The following SLC17A3 variants were observed in gnomAD, a reference collection of about 807,000 sequenced individuals.
SLC17A3 encodes sodium-dependent phosphate transport protein 4.
In SLC17A3, 61 loss-of-function variants were observed where a neutral mutation model predicts 60.3. That is an observed-to-expected ratio of 1.01 (90% confidence interval 0.82 to 1.25). The LOEUF (loss-of-function observed/expected upper bound fraction) is 1.25. SLC17A3 is among the 50% of genes most tolerant of loss of function. The pLI is 0.00. For missense variants in SLC17A3, 624 were observed against 594.9 expected (o/e 1.05, Z -0.51); for synonymous variants, 192 against 208.9 (o/e 0.92, Z 0.70).
At chr6:25,857,279 A>C (rs760320620) in intron 5 of SLC17A3, among the ~76,000 whole-genome samples, 25 of 150,392 alleles carry the variant, frequency 1.7e-4, no homozygotes, top group South Asian at 6.3e-4. Context: ...ATCTTTAACT[A>C]TTATTTTTTA....
chr6:25,862,472 G>GT lies in SLC17A3; in HGVS notation c.92-29dup, dbSNP rs752861068. On this transcript the variant is annotated intron_variant, in intron 2 of 12. Transcript: ENST00000397060. Reference sequence around the variant, plus strand: ...GGAAATATTATGACATCATATTAGTGTTTTTTAAAATTGAGCTAACATTAG... The same window carrying GT: ...GGAAATATTATGACATCATATTAGTGTTTTTTTAAAATTGAGCTAACATTAG... 6.4e-6 allele frequency: 10 copies of GT among 1,557,786 alleles called. No homozygotes were observed. In the East Asian group the frequency reaches 1.8e-4, roughly 28 times the overall value.
chr6:25,849,924 C>G lies in SLC17A3; in HGVS notation c.1152G>C (p.Val384=). The change falls in exon 10 of 13, where the codon GTG becomes GTC. Residue 384 remains valine, a synonymous_variant. Transcript: ENST00000397060. ...LGSLPSSALI[V]SLPYLNSGYI... ...AGCCGGAATTGAGGTAAGGCAGAGA[C>G]ACAATGAGTGCTGAAGAGGGGAGAC... is the stretch of plus-strand genomic sequence containing the variant. 6.2e-7 allele frequency: 1 copy of G among 1,614,020 alleles called. No individual in the cohort carries two copies. Among genetic ancestry groups the G allele is most frequent in the Non-Finnish European group, 8.5e-7 (1 of 1,179,892 alleles).
intron 11 of SLC17A3, among the ~76,000 whole-genome samples, chr6:25,846,991 G>A (rs1765185229): frequency 6.6e-6 from 1 of 152,066 alleles, no homozygotes; most frequent in Admixed American, 6.6e-5. Flanking sequence ...TCATGTAATG[G>A]GAGTTTGTTG....
chr6:25,848,264 G>C lies in SLC17A3; in HGVS notation c.1362+1110C>G, dbSNP rs1052640742. Among the ~76,000 whole-genome samples the C allele has an allele frequency of 1.2e-4, 18 of 152,206 alleles. 1 individual carries two copies. The highest frequency in any genetic ancestry group is 3.2e-3 in the Middle Eastern group (1 of 316). ...CTTCTTTTCTCTGGGTAGAAACCCA[G>C]TAGTGGGATGGCTGGATCAAACAGT... On this transcript the variant is annotated intron_variant, in intron 11 of 12. Coordinates refer to ENST00000397060, the MANE Select transcript of SLC17A3 (RefSeq NM_001098486.2).
At chr6:25,853,668 T>G (rs1287604047) in intron 6 of SLC17A3, among the ~76,000 whole-genome samples, 1 of 152,076 alleles carries the variant, frequency 6.6e-6, no homozygotes, top group African/African-American at 2.4e-5. Flanking sequence ...TCCGCCCACC[T>G]CGGCCTCCCA....
At chr6:25,864,812 T>C (rs1170325624) in intron 2 of SLC17A3, among the ~76,000 whole-genome samples, 2 of 151,902 alleles carry the variant, frequency 1.3e-5, no homozygotes, top group Non-Finnish European at 2.9e-5. Flanking sequence ...AGAAGATACT[T>C]AAAGCCATAA....
chr6:25,857,468 T>C (rs1765376770), intron 5 of SLC17A3, among the ~76,000 whole-genome samples: 1 of 151,880 alleles, frequency 6.6e-6, no homozygotes, highest in Admixed American at 6.6e-5. Context: ...CAACTGTAAG[T>C]TTTTACGGAG....
intron 11 of SLC17A3, among the ~76,000 whole-genome samples, chr6:25,849,019 G>C (rs571961261): frequency 9.9e-5 from 15 of 152,206 alleles, no homozygotes; most frequent in South Asian, 4.2e-4. Context: ...CACTTTAAAG[G>C]GTTCATTTGT....
At chr6:25,863,201 G>T (rs543946984) in intron 2 of SLC17A3, among the ~76,000 whole-genome samples, 37 of 152,118 alleles carry the variant, frequency 2.4e-4, no homozygotes, top group African/African-American at 8.9e-4. Flanking sequence ...TAGGGAAATC[G>T]GCATTTATGG....
chr6:25,845,378 A>G lies in SLC17A3; in HGVS notation c.*2+2T>C, dbSNP rs1326765789. On this transcript the variant is annotated splice_donor_variant, in intron 12 of 12. Transcript: ENST00000397060. LOFTEE classifies it low-confidence loss of function (3UTR_SPLICE). ...ACCATGCATAAAATCACTATCCTTT[A>G]CCTTCATAAACGAGTGAGTTTTCTC... 2 of 1,613,860 alleles carry G rather than the reference A, an allele frequency of 1.2e-6. No individual in the cohort carries two copies. The highest frequency in any genetic ancestry group is 8.5e-7 in the Non-Finnish European group (1 of 1,179,824).
intron 5 of SLC17A3, among the ~76,000 whole-genome samples, chr6:25,859,509 G>T (rs1765412872): frequency 6.6e-6 from 1 of 152,112 alleles, no homozygotes; most frequent in African/African-American, 2.4e-5. Context: ...TATTTGTCTG[G>T]GCCTAATTCA....
chr6:25,846,746 G>A (rs1423889141), intron 11 of SLC17A3, among the ~76,000 whole-genome samples: 1 of 152,110 alleles, frequency 6.6e-6, no homozygotes, highest in Non-Finnish European at 1.5e-5. Context: ...GAGTAGCTGG[G>A]ACTACAGGTA....
intron 5 of SLC17A3, among the ~76,000 whole-genome samples, chr6:25,860,718 G>T (rs1765432702): frequency 6.6e-6 from 1 of 152,186 alleles, no homozygotes; most frequent in African/African-American, 2.4e-5. Flanking sequence ...TATTCTGGTT[G>T]TTCAGTCTCT....
In SLC17A3 at chr6:25,849,897, A is replaced by G. The variant is rs892286799; in HGVS notation, c.1179T>C (p.Tyr393=). 3 of 1,614,108 alleles carry G rather than the reference A, an allele frequency of 1.9e-6. No individual in the cohort carries two copies. The highest frequency in any genetic ancestry group is 1.3e-5 in the African/African-American group (1 of 75,072). ...GCGTCAGCAAGGCAGTTGCTGTGAT[A>G]TAGCCGGAATTGAGGTAAGGCAGAG... The part of the protein sequence containing the change: ...IVSLPYLNSG[Y]ITATALLTLS... Residue 393 remains tyrosine, a synonymous_variant, in exon 10 of 13, where the codon TAT becomes TAC. Coordinates refer to ENST00000397060, the MANE Select transcript of SLC17A3 (RefSeq NM_001098486.2).
At chr6:25,847,055 T>C (rs572725409) in intron 11 of SLC17A3, among the ~76,000 whole-genome samples, 3 of 152,206 alleles carry the variant, frequency 2.0e-5, no homozygotes, top group Admixed American at 6.5e-5. Flanking sequence ...GTTTTTTTTT[T>C]CTGACTCTTT....
intron 2 of SLC17A3, among the ~76,000 whole-genome samples, chr6:25,867,556 C>T (rs1225807485): frequency 1.3e-5 from 2 of 151,872 alleles, no homozygotes; most frequent in Non-Finnish European, 2.9e-5. Context: ...TCATAACTTA[C>T]ATACATAGTT....
At chr6:25,851,268 T>C (rs1765272786) in intron 6 of SLC17A3, among the ~76,000 whole-genome samples, 1 of 151,852 alleles carries the variant, frequency 6.6e-6, no homozygotes, top group African/African-American at 2.4e-5. Flanking sequence ...TTTTTTATTA[T>C]TGAGTTTTGA....
intron 6 of SLC17A3, among the ~76,000 whole-genome samples, chr6:25,852,522 T>C (rs1389185607): frequency 6.6e-6 from 1 of 152,166 alleles, no homozygotes; most frequent in African/African-American, 2.4e-5. Context: ...TATAATTTTC[T>C]CTGTGTGGTG....
intron 6 of SLC17A3, among the ~76,000 whole-genome samples, chr6:25,852,708 C>T (rs1765299121): frequency 6.6e-6 from 1 of 152,166 alleles, no homozygotes; most frequent in South Asian, 2.1e-4. Flanking sequence ...ACTTTCTGAA[C>T]ATACAGACTT....
Sources: gnomAD v4.1 joint callset for allele counts (sites outside exome capture counted in the v4.1 genomes callset) on GRCh38, gnomAD v4.1.1 for gene constraint, MANE v1.5 for transcripts, NCBI Gene and HGNC (gene_info 2026-07-23, HGNC 2026-07-21) for gene names.